The following POLD3 variants were observed in gnomAD, a reference collection of about 807,000 sequenced individuals.
POLD3 encodes the protein DNA polymerase delta subunit 3.
A neutral mutation model predicts 58.2 loss-of-function variants in POLD3; 19 were observed. That is an observed-to-expected ratio of 0.33 (90% confidence interval 0.23 to 0.48). The LOEUF is 0.48. Among genes scored for constraint, POLD3 ranks in the 20% least tolerant of loss-of-function variants. The pLI, the probability that POLD3 is intolerant of heterozygous loss-of-function variation, is 0.99. For synonymous variants in POLD3, 172 were observed against 193.5 expected, an observed-to-expected ratio of 0.89 and a Z score of 0.92; for missense variants, 504 against 545.5, an observed-to-expected ratio of 0.92 and a Z score of 0.76.
intron 1 of POLD3, 29 bp from the exon 2 acceptor site, chr11:74,594,032 A>G (rs764069869): frequency 7.1e-7 from 1 of 1,403,630 alleles, no homozygotes; most frequent in East Asian, 2.3e-5. Flanking sequence ...CATCTAATAA[A>G]ACATTTGAAA....
At chr11:74,613,931 A>G (rs2031997634) in intron 5 of POLD3, among the ~76,000 whole-genome samples, 1 of 152,202 alleles carries the variant, frequency 6.6e-6, no homozygotes, top group East Asian at 1.9e-4. Flanking sequence ...GTTATGACTT[A>G]TGACACAGAA....
chr11:74,652,485 G>A (rs1016820486), intron 4 of POLD3, among the ~76,000 whole-genome samples: 5 of 152,192 alleles, frequency 3.3e-5, no homozygotes, highest in African/African-American at 1.2e-4. Flanking sequence ...ACTGAATAGA[G>A]CTTACTTTCT....
rs2032898986 is a variant in POLD3 at position 74,640,986 on chromosome 11, A to G, written c.*220A>G. 8.1e-7 allele frequency: 1 copy of G among 1,237,802 alleles called. No homozygotes were observed. Among genetic ancestry groups the G allele is most frequent in the South Asian group, 3.0e-5 (1 of 33,148 alleles). 76.7% of individuals were successfully genotyped at this position (1,237,802 alleles called of 1,614,324 possible). A position where few individuals can be genotyped will look rare whatever the true frequency, so the allele number is the denominator to read the frequency against. On this transcript the variant is annotated 3_prime_UTR_variant, in exon 12 of 12. Coordinates refer to ENST00000263681, the MANE Select transcript of POLD3 (RefSeq NM_006591.3). ...GCTGTTACCTTCTAATGACATTTAA[A>G]AAGCACAGTCTTTGACCTGTCCAGG...
intron 2 of POLD3, chr11:74,595,361 G>C (rs2031203596): frequency 6.6e-6 from 1 of 151,908 alleles, no homozygotes; most frequent in Non-Finnish European, 1.5e-5. Context: ...AAATTATGTT[G>C]ATTGGCATTT....
chr11:74,616,530 C>T (rs968018245), intron 5 of POLD3, among the ~76,000 whole-genome samples: 2 of 152,194 alleles, frequency 1.3e-5, no homozygotes, highest in African/African-American at 2.4e-5. Context: ...CAACTTCAGA[C>T]GTTGACAGTG....
chr11:74,595,284 C>T (rs1300143806), intron 2 of POLD3: 1 of 150,948 alleles, frequency 6.6e-6, no homozygotes, highest in Non-Finnish European at 1.5e-5. Flanking sequence ...TACATCACCA[C>T]ACCTGGCAAA....
chr11:74,618,021 A>G (rs1398461692), intron 5 of POLD3, among the ~76,000 whole-genome samples: 1 of 152,194 alleles, frequency 6.6e-6, no homozygotes, highest in Non-Finnish European at 1.5e-5. Flanking sequence ...GCCCAACCCT[A>G]CAGCATGATT....
At position 74,661,421 on chromosome 11, in the gene POLD3, C is replaced by G. The variant is rs1353655180; in HGVS notation, c.370-7356C>G. Among the ~76,000 whole-genome samples, 3 of 152,134 alleles carry G rather than the reference C, an allele frequency of 2.0e-5. No homozygotes were observed. The South Asian group carries it at 6.2e-4, about 32-fold the overall frequency. On this transcript the variant is annotated intron_variant, in intron 4 of 4. Coordinates refer to the POLD3 transcript ENST00000524752. ...TGAGCTGTACTGCATTAGGGGGAACCCCAAGCCCAGTAACACTATGATTTA... is the reference window on the plus strand; with the variant it reads ...TGAGCTGTACTGCATTAGGGGGAACGCCAAGCCCAGTAACACTATGATTTA...
In POLD3 at chr11:74,594,083, A is replaced by G. The variant is rs755212587; in HGVS notation, c.83A>G (p.Tyr28Cys). The G allele has an allele frequency of 6.2e-6, 10 of 1,605,806 alleles. No homozygotes were observed. The East Asian group carries it at 1.8e-4, about 29-fold the overall frequency. The change falls in exon 2 of 12, where the codon TAT becomes TGT. Residue 28 changes from tyrosine to cysteine, a missense_variant. By Grantham distance (194) the Tyr-to-Cys change is radical (BLOSUM62 -2). This residue lies in a region of POLD3 where 119 missense variants were observed against 175.0 expected (regional missense o/e 0.68). Transcript: ENST00000263681. Reference protein sequence around the residue: ...NKIVTYKWLSYTLGVHVNQAK... With the variant: ...NKIVTYKWLSCTLGVHVNQAK... ...CAGGTGACATACAAATGGCTGAGCTATACACTAGGGGTTCATGTTAACCAG... is the reference window on the plus strand; with the variant it reads ...CAGGTGACATACAAATGGCTGAGCTGTACACTAGGGGTTCATGTTAACCAG...
intron 4 of POLD3, among the ~76,000 whole-genome samples, chr11:74,658,462 G>T (rs1409166428): frequency 6.6e-6 from 1 of 152,014 alleles, no homozygotes; most frequent in East Asian, 1.9e-4. Flanking sequence ...CTTCCCAACA[G>T]TCCCCCAAAG....
At chr11:74,601,937 A>G (rs1223507575) in intron 2 of POLD3, among the ~76,000 whole-genome samples, 1 of 152,152 alleles carries the variant, frequency 6.6e-6, no homozygotes, top group Non-Finnish European at 1.5e-5. Flanking sequence ...ATACAAAGGA[A>G]TAAAGAGAAT....
At chr11:74,613,990 G>A (rs149867406) in intron 5 of POLD3, among the ~76,000 whole-genome samples, 1 of 152,178 alleles carries the variant, frequency 6.6e-6, no homozygotes, top group African/African-American at 2.4e-5. Flanking sequence ...AAATAGCCAG[G>A]CAAAGGAAAA....
At chr11:74,627,489 A>C (rs1432757873) in intron 8 of POLD3, among the ~76,000 whole-genome samples, 1 of 152,166 alleles carries the variant, frequency 6.6e-6, no homozygotes, top group Non-Finnish European at 1.5e-5. Context: ...AAATAAATTT[A>C]GTGTTGCCTG....
At chr11:74,662,702 A>T (rs1485139618) in intron 4 of POLD3, among the ~76,000 whole-genome samples, 1 of 152,094 alleles carries the variant, frequency 6.6e-6, no homozygotes, top group Non-Finnish European at 1.5e-5. Context: ...ACTAGGTCAC[A>T]TGCCCCCCAG....
At chr11:74,621,612 A>C (rs907776784) in intron 7 of POLD3, among the ~76,000 whole-genome samples, 1 of 152,158 alleles carries the variant, frequency 6.6e-6, no homozygotes. Context: ...TAGATTGAGC[A>C]CCTGCTATGT....
intron 9 of POLD3, among the ~76,000 whole-genome samples, chr11:74,633,257 TG>T (rs1369709834): frequency 6.6e-6 from 1 of 152,208 alleles, no homozygotes; most frequent in African/African-American, 2.4e-5. Flanking sequence ...GGCTTGCTTC[TG>T]GGGTTTGACT....
chr11:74,666,553 GGA>G (rs141160521), intron 4 of POLD3, among the ~76,000 whole-genome samples: 84 of 149,252 alleles, frequency 5.6e-4, no homozygotes, highest in East Asian at 1.2e-3. Flanking sequence ...CCCAGGAAGT[GGA>G]GAGAGAGAGA....
At chr11:74,593,458 A>G (rs563981935) in intron 1 of POLD3, among the ~76,000 whole-genome samples, 84 of 152,348 alleles carry the variant, frequency 5.5e-4, no homozygotes, top group African/African-American at 1.9e-3. Flanking sequence ...AACCTGTGCA[A>G]GTCTTCTAAC....
intron 4 of POLD3, among the ~76,000 whole-genome samples, chr11:74,657,805 TC>T (rs2033155959): frequency 6.6e-6 from 1 of 152,236 alleles, no homozygotes; most frequent in Non-Finnish European, 1.5e-5. Context: ...TTGAAGAACT[TC>T]CTTTAGCATT....
Sources: allele counts gnomAD v4.1 joint callset (sites outside exome capture counted in the v4.1 genomes callset), GRCh38; gene constraint gnomAD v4.1.1; regional missense constraint gnomAD v4.1.1; transcripts MANE v1.5; gene names NCBI Gene and HGNC (gene_info 2026-07-23, HGNC 2026-07-21).